CRISP3: variants seen among roughly 807,000 people sequenced by gnomAD.
CRISP3 encodes cysteine rich secretory protein 3.
CRISP3 carries 33 observed loss-of-function variants against 36.1 expected under a neutral mutation model. The ratio of observed to expected loss-of-function variants is 0.91; its 90% confidence interval spans 0.69 to 1.22. The LOEUF is 1.22. CRISP3 is among the 50% of genes most tolerant of loss of function. The pLI, the probability that CRISP3 is intolerant of heterozygous loss-of-function variation, is 0.00. For synonymous variants in CRISP3, 117 were observed against 104.6 expected, an observed-to-expected ratio of 1.12 and a Z score of -0.72; for missense variants, 330 against 301.2, an observed-to-expected ratio of 1.10 and a Z score of -0.71.
chr6:49,732,868 A>T (rs923501557), intron 6 of CRISP3, among the ~76,000 whole-genome samples: 1 of 152,156 alleles, frequency 6.6e-6, no homozygotes, highest in Non-Finnish European at 1.5e-5. Context: ...TCGTGTGTAA[A>T]CTTAGCATGA....
chr6:49,727,743 A>C lies in CRISP3; in HGVS notation c.*987T>G, dbSNP rs1215391441. The C allele has an allele frequency of 2.6e-5, 4 of 152,110 alleles. No individual in the cohort carries two copies. The highest frequency in any genetic ancestry group is 5.9e-5 in the Non-Finnish European group (4 of 67,998). 9.4% of individuals were successfully genotyped at this position (152,110 alleles called of 1,614,324 possible). A position where few individuals can be genotyped will look rare whatever the true frequency, so the allele number is the denominator to read the frequency against. ...TTTGAGGAATACTCTAAAATACCCC[A>C]GGGATATTTTGTAGAATGTCCTTCA... On this transcript the variant is annotated 3_prime_UTR_variant, in exon 8 of 8. Coordinates refer to ENST00000263045, the MANE Select transcript of CRISP3 (RefSeq NM_006061.4).
chr6:49,740,034 T>C (rs1769158650), intron 1 of CRISP3, among the ~76,000 whole-genome samples: 1 of 152,182 alleles, frequency 6.6e-6, no homozygotes. Context: ...TTTCAAAGAT[T>C]TATGATTTCA....
intron 3 of CRISP3, among the ~76,000 whole-genome samples, chr6:49,735,949 CTTCAT>C (rs1423023013): frequency 3.9e-5 from 6 of 152,134 alleles, no homozygotes; most frequent in Non-Finnish European, 5.9e-5. Context: ...AGCTGGCTTA[CTTCAT>C]TTCCAGTTCT....
At chr6:49,733,358 G>T in intron 5 of CRISP3, 66 bp from the exon 6 acceptor site, 1 of 1,058,650 alleles carries the variant, frequency 9.4e-7, no homozygotes, top group Non-Finnish European at 1.4e-6. Context: ...AAAACAAATA[G>T]TAGGAAATAC....
intron 1 of CRISP3, among the ~76,000 whole-genome samples, chr6:49,738,074 T>C (rs1265964019): frequency 6.6e-6 from 1 of 152,162 alleles, no homozygotes; most frequent in Non-Finnish European, 1.5e-5. Flanking sequence ...AACATTTTTT[T>C]CCTCTGGATC....
chr6:49,735,880 T>C (rs1397108764), intron 3 of CRISP3, among the ~76,000 whole-genome samples: 2 of 152,160 alleles, frequency 1.3e-5, no homozygotes, highest in Non-Finnish European at 2.9e-5. Flanking sequence ...ATGGTCCTGT[T>C]CTAAATATTG....
At chr6:49,733,444 A>G (rs931169356) in intron 5 of CRISP3, 152 bp from the exon 6 acceptor site, 4 of 640,192 alleles carry the variant, frequency 6.2e-6, no homozygotes, top group African/African-American at 1.8e-5. Flanking sequence ...TTATTGAATC[A>G]AACTAAAACA....
chr6:49,744,055 G>T (rs1769271732), intron 1 of CRISP3, among the ~76,000 whole-genome samples: 1 of 151,948 alleles, frequency 6.6e-6, no homozygotes, highest in Admixed American at 6.6e-5. Context: ...ATAGACATGG[G>T]AATTAGTTAT....
In CRISP3 at chr6:49,733,201, C is replaced by T. The variant is rs1185367084; in HGVS notation, c.554G>A (p.Cys185Tyr). The change falls in exon 6 of 8, where the codon TGT (cysteine) becomes TAT (tyrosine). Residue 185 changes from cysteine (C) to tyrosine (Y), a missense_variant. Physicochemically the swap from Cys to Tyr is radical, Grantham distance 194 (BLOSUM62 -2). Transcript: ENST00000263045. ...CGCTAAAATATATACTTACGCAGGA[C>T]AATATTGGCAAACATAGTAGTATTT... is the stretch of plus-strand genomic sequence containing the variant. The part of the protein sequence containing the change: ...VLKYYYVCQY[C>Y]PAGNWANRLY... 6.4e-7 allele frequency: 1 copy of T among 1,570,676 alleles called. No homozygotes were observed. The highest frequency in any genetic ancestry group is 8.7e-7 in the Non-Finnish European group (1 of 1,146,308).
At chr6:49,737,644 A>G (rs1386271718) in intron 1 of CRISP3, among the ~76,000 whole-genome samples, 3 of 152,168 alleles carry the variant, frequency 2.0e-5, no homozygotes, top group South Asian at 4.1e-4. Context: ...AAGCATGCCT[A>G]TAAATGCTAA....
intron 7 of CRISP3, 58 bp downstream of exon 7, chr6:49,731,105 C>A: frequency 3.2e-6 from 4 of 1,263,674 alleles, no homozygotes; most frequent in South Asian, 2.7e-5. Context: ...TTTCCCAATT[C>A]TTAGAAGAAA....
rs1452644997 is a variant in CRISP3 at position 49,733,704 on chromosome 6, T to A, written c.461A>T (p.Gln154Leu). Residue 154 changes from glutamine (Q) to leucine (L), a missense_variant and splice_region_variant, in exon 5 of 8, where the codon CAG (glutamine) becomes CTG (leucine). Physicochemically the swap from Gln to Leu is moderately radical, Grantham distance 113. Transcript: ENST00000263045. ...TPNAVVGHYT[Q>L]VVWYSSYLVG... is the part of the protein sequence containing the mutation. ...TGGTTTTTCATTTCTTCTCCTTACC[T>A]GTGTATAATGTCCAACCACTGCGTT... is the stretch of plus-strand genomic sequence containing the variant. 6.2e-7 allele frequency: 1 copy of A among 1,611,914 alleles called. No individual in the cohort carries two copies. Among genetic ancestry groups the A allele is most frequent in the Non-Finnish European group, 8.5e-7 (1 of 1,178,662 alleles).
At chr6:49,733,482 T>C (rs763595448) in intron 5 of CRISP3, among the ~76,000 whole-genome samples, 190 bp from the exon 6 acceptor site, 5 of 152,162 alleles carry the variant, frequency 3.3e-5, no homozygotes, top group Non-Finnish European at 7.4e-5. Flanking sequence ...TCCATGTACA[T>C]TCCTTTTTGA....
chr6:49,742,066 C>T (rs1329368182), intron 1 of CRISP3, among the ~76,000 whole-genome samples: 1 of 151,474 alleles, frequency 6.6e-6, no homozygotes, highest in Non-Finnish European at 1.5e-5. Flanking sequence ...AAACACTCAA[C>T]TAGAATATAA....
intron 1 of CRISP3, among the ~76,000 whole-genome samples, chr6:49,740,683 C>G (rs1769176353): frequency 7.7e-6 from 1 of 130,334 alleles, no homozygotes; most frequent in Non-Finnish European, 1.6e-5. Context: ...AAAGTAATGC[C>G]TGTTAGTTTC....
At chr6:49,741,137 C>CAA (rs1222966473) in intron 1 of CRISP3, among the ~76,000 whole-genome samples, 4 of 99,244 alleles carry the variant, frequency 4.0e-5, no homozygotes, top group African/African-American at 1.6e-4. Flanking sequence ...AAAAAACAAA[C>CAA]AAAAAAAAAC....
In CRISP3 at chr6:49,728,793, A is replaced by T; in HGVS notation, c.714T>A (p.Cys238Ter). Residue 238 changes from cysteine to a stop codon, truncating the protein, a stop_gained, in exon 8 of 8, where the codon TGT becomes TGA. Transcript: ENST00000263045. LOFTEE classifies it low-confidence loss of function (END_TRUNC). ...NCKSLKLTLTCKHQLVRDSCK... is the reference protein window; with the variant it reads ...NCKSLKLTLT ...AACTGTCCCTGACCAACTGATGTTT[A>T]CAGGTTAATGTGAGCTTCAAACTTT... 1 of 1,612,826 alleles carries T rather than the reference A, an allele frequency of 6.2e-7. No individual in the cohort carries two copies. Among genetic ancestry groups the T allele is most frequent in the Non-Finnish European group, 8.5e-7 (1 of 1,179,248 alleles).
chr6:49,733,315 A>G (rs376712523), intron 5 of CRISP3, 23 bp from the exon 6 acceptor site: 2 of 1,432,742 alleles, frequency 1.4e-6, no homozygotes. Context: ...AAGTGAAGAT[A>G]TGAGAGCACA....
chr6:49,733,188 T>G lies in CRISP3; in HGVS notation c.560+7A>C. 2 of 1,512,204 alleles carry G rather than the reference T, an allele frequency of 1.3e-6. No individual in the cohort carries two copies. The highest frequency in any genetic ancestry group is 1.8e-6 in the Non-Finnish European group (2 of 1,100,642). 93.7% of individuals were successfully genotyped at this position (1,512,204 alleles called of 1,614,324 possible). ...TATTGACAATAAACGCTAAAATATA[T>G]ACTTACGCAGGACAATATTGGCAAA... On this transcript the variant is annotated splice_region_variant and intron_variant, in intron 6 of 7. Transcript: ENST00000263045.
Sources: allele counts gnomAD v4.1 joint callset (sites outside exome capture counted in the v4.1 genomes callset), GRCh38; gene constraint gnomAD v4.1.1; transcripts MANE v1.5; gene names NCBI Gene and HGNC (gene_info 2026-07-23, HGNC 2026-07-21).